The following ZC3H12C variants were observed in gnomAD, a reference collection of about 807,000 sequenced individuals.
ZC3H12C encodes probable ribonuclease ZC3H12C.
A neutral mutation model predicts 76.3 loss-of-function variants in ZC3H12C; 20 were observed. The ratio of observed to expected loss-of-function variants is 0.26; its 90% confidence interval spans 0.18 to 0.38. ZC3H12C has a LOEUF of 0.38. ZC3H12C is among the 10% of genes least tolerant of loss of function. The pLI is 1.00. For missense variants in ZC3H12C, 874 were observed against 1,086.5 expected, an observed-to-expected ratio of 0.80 and a Z score of 2.75; for synonymous variants, 352 against 399.6, an observed-to-expected ratio of 0.88 and a Z score of 1.42.
In ZC3H12C at chr11:110,167,140, C is replaced by G. The variant is rs1355477682; in HGVS notation, c.*1403C>G. ...TGTTGCGTCCAGGTTTTGAATTGTA[C>G]TTCACGTAACAGATGCATTCAGATC... On this transcript the variant is annotated 3_prime_UTR_variant, in exon 6 of 6. Transcript: ENST00000278590. 1 of 152,198 alleles carries G rather than the reference C, an allele frequency of 6.6e-6. No homozygotes were observed. Among genetic ancestry groups the G allele is most frequent in the African/African-American group, 2.4e-5 (1 of 41,448 alleles). The allele number at this position is 152,198 out of a possible 1,614,324, so 9.4% of individuals were successfully genotyped here. A position where few individuals can be genotyped will look rare whatever the true frequency, so the allele number is the denominator to read the frequency against.
chr11:110,165,286 C>CT lies in ZC3H12C; in HGVS notation c.2202dup (p.Lys735Ter). The CT allele has an allele frequency of 1.2e-6, 2 of 1,614,048 alleles. No homozygotes were observed. The highest frequency in any genetic ancestry group is 1.7e-6 in the Non-Finnish European group (2 of 1,179,894). On this transcript the variant is annotated frameshift_variant, in exon 6 of 6. Transcript: ENST00000278590. LOFTEE classifies it high-confidence loss of function. ...CCCTCTCCTCCAAGTTCAGCACACTCTAAGGCACCACACCTAGGGAGGTCC... is the reference window on the plus strand; with the variant it reads ...CCCTCTCCTCCAAGTTCAGCACACTCTTAAGGCACCACACCTAGGGAGGTCC...
At chr11:110,122,945 T>G (rs641934) in intron 1 of ZC3H12C, among the ~76,000 whole-genome samples, 5 of 152,004 alleles carry the variant, frequency 3.3e-5, no homozygotes, top group African/African-American at 1.2e-4. Context: ...ATAGTGTGGA[T>G]ACACTGGACA....
At position 110,158,015 on chromosome 11, in the gene ZC3H12C, T is replaced by A. The variant is rs1033289569; in HGVS notation, c.914-1241T>A. On this transcript the variant is annotated intron_variant, in intron 3 of 5. Coordinates refer to ENST00000278590, the MANE Select transcript of ZC3H12C (RefSeq NM_033390.2). ...GCATTGAGAAGAAGTGAGCTTTTTT[T>A]TAAAAAAAATCATGACATCTGTAGG... Among the ~76,000 whole-genome samples the A allele has an allele frequency of 7.9e-5, 12 of 152,244 alleles. No individual in the cohort carries two copies. In the South Asian group the frequency reaches 1.9e-3, roughly 24 times the overall value.
intron 1 of ZC3H12C, among the ~76,000 whole-genome samples, chr11:110,123,582 T>C (rs1861687820): frequency 6.6e-6 from 1 of 152,226 alleles, no homozygotes; most frequent in Non-Finnish European, 1.5e-5. Context: ...TCATAAACCT[T>C]AAGAATTTTG....
chr11:110,119,286 A>T (rs1861612883), intron 1 of ZC3H12C, among the ~76,000 whole-genome samples: 1 of 152,190 alleles, frequency 6.6e-6, no homozygotes, highest in Non-Finnish European at 1.5e-5. Flanking sequence ...CAGTTCCTTC[A>T]TGTGACCTAA....
intron 1 of ZC3H12C, among the ~76,000 whole-genome samples, chr11:110,123,152 A>G (rs1349694693): frequency 6.6e-6 from 1 of 152,220 alleles, no homozygotes; most frequent in African/African-American, 2.4e-5. Context: ...TGAAATGTAG[A>G]TAAGGGGGAC....
chr11:110,109,104 G>A (rs566821661), intron 1 of ZC3H12C, among the ~76,000 whole-genome samples: 16 of 152,160 alleles, frequency 1.1e-4, no homozygotes, highest in Admixed American at 5.2e-4. Context: ...GTTAGTTTGG[G>A]TGCCATCTTT....
At chr11:110,113,153 T>C (rs1861465500) in intron 1 of ZC3H12C, among the ~76,000 whole-genome samples, 1 of 152,154 alleles carries the variant, frequency 6.6e-6, no homozygotes, top group Non-Finnish European at 1.5e-5. Context: ...TAGCTAGGAG[T>C]TTTTAACCTG....
chr11:110,107,920 C>T (rs1861360618), intron 1 of ZC3H12C, among the ~76,000 whole-genome samples: 1 of 152,142 alleles, frequency 6.6e-6, no homozygotes, highest in Non-Finnish European at 1.5e-5. Flanking sequence ...GCCTTGGCCT[C>T]CTAAAGTGCT....
In ZC3H12C at chr11:110,124,293, C is replaced by T. The variant is rs993210331; in HGVS notation, c.22-12370C>T. The T allele has an allele frequency of 2.6e-5, 4 of 152,304 alleles. No homozygotes were observed. In the South Asian group the frequency reaches 8.3e-4, roughly 32 times the overall value. The allele number at this position is 152,304 out of a possible 1,614,324, so 9.4% of individuals were successfully genotyped here. ...ACCCTGTCACAGGGAGAAATAAAGA[C>T]TAGCAGAGCAGCATTTTTGTTCTTG... On this transcript the variant is annotated intron_variant, in intron 1 of 5. Transcript: ENST00000278590.
chr11:110,155,367 G>A (rs1273255807), intron 3 of ZC3H12C, among the ~76,000 whole-genome samples: 1 of 151,814 alleles, frequency 6.6e-6, no homozygotes, highest in Non-Finnish European at 1.5e-5. Flanking sequence ...GTTACTCATA[G>A]GCTGCTGTGG....
In ZC3H12C at chr11:110,152,391, AG is replaced by A. The variant is rs1862288209; in HGVS notation, c.774-527del. 3.3e-5 allele frequency among the ~76,000 whole-genome samples: 5 copies of A among 152,318 alleles called. No individual in the cohort carries two copies. The South Asian group carries it at 1.0e-3, about 32-fold the overall frequency. ...TGTGAACATGTTTTTCCTTTCAGTG[AG>A]TGTATAGTATGTTGTTTTACATTGG... On this transcript the variant is annotated intron_variant, in intron 2 of 5. Coordinates refer to ENST00000278590, the MANE Select transcript of ZC3H12C (RefSeq NM_033390.2).
intron 4 of ZC3H12C, among the ~76,000 whole-genome samples, chr11:110,159,838 G>A (rs1862446197): frequency 6.6e-6 from 1 of 152,240 alleles, no homozygotes; most frequent in Non-Finnish European, 1.5e-5. Context: ...TTAGAGCACT[G>A]ATAGCTTACT....
chr11:110,136,843 A>G lies in ZC3H12C; in HGVS notation c.202A>G (p.Met68Val). 1 of 1,613,932 alleles carries G rather than the reference A, an allele frequency of 6.2e-7. No homozygotes were observed. Among genetic ancestry groups the G allele is most frequent in the Non-Finnish European group, 8.5e-7 (1 of 1,179,870 alleles). ...TTGGTCAACAGTAGAAAACCCAAGT[A>G]TGGATACCGTTAATGTGGGGAAGGA... ...VPWSTVENPS[M>V]DTVNVGKDEK... The change falls in exon 2 of 6, where the codon ATG (methionine) becomes GTG (valine). Residue 68 changes from methionine to valine, a missense_variant. Met to Val is a conservative substitution (Grantham distance 21). Around this residue, in one of 3 missense-constraint regions of ZC3H12C, gnomAD observed 210 missense variants for 227.1 expected, o/e 0.92. Transcript: ENST00000278590.
rs559762731 is a variant in ZC3H12C at position 110,145,294 on chromosome 11, TA to T, written c.774-7622del. Among the ~76,000 whole-genome samples, 19 of 152,278 alleles carry T rather than the reference TA, an allele frequency of 1.2e-4. No homozygotes were observed. In the East Asian group the frequency reaches 3.7e-3, roughly 29 times the overall value. ...GCTTTTCCAGTATATTAGTCTTGAG[TA>T]AAGATAATCTTATTAGAGCTATGAG... is the stretch of plus-strand genomic sequence containing the variant. On this transcript the variant is annotated intron_variant, in intron 2 of 5. Coordinates refer to ENST00000278590, the MANE Select transcript of ZC3H12C (RefSeq NM_033390.2).
intron 1 of ZC3H12C, among the ~76,000 whole-genome samples, chr11:110,110,962 G>T (rs971880603): frequency 6.6e-6 from 1 of 152,156 alleles, no homozygotes; most frequent in Non-Finnish European, 1.5e-5. Context: ...TTAATTTTGT[G>T]GATTTGGTTG....
chr11:110,156,699 CACAG>C (rs1440719053), intron 3 of ZC3H12C, among the ~76,000 whole-genome samples: 3 of 152,160 alleles, frequency 2.0e-5, no homozygotes, highest in Non-Finnish European at 2.9e-5. Context: ...TCATTCATTC[CACAG>C]ACAGTCATTG....
In ZC3H12C at chr11:110,165,472, C is replaced by T; in HGVS notation, c.2387C>T (p.Pro796Leu). The T allele has an allele frequency of 6.2e-7, 1 of 1,613,990 alleles. No individual in the cohort carries two copies. The highest frequency in any genetic ancestry group is 8.5e-7 in the Non-Finnish European group (1 of 1,179,884). The change falls in exon 6 of 6, where the codon CCC (proline) becomes CTC (leucine). Residue 796 changes from proline to leucine, a missense_variant. Physicochemically the swap from Pro to Leu is moderately conservative, Grantham distance 98. Around this residue, in one of 3 missense-constraint regions of ZC3H12C, gnomAD observed 395 missense variants for 434.4 expected, o/e 0.91. Transcript: ENST00000278590. ...AYGYRQTYSL[P>L]DNSTQPCYEQ... ...GGGTACCGGCAGACTTATTCCTTGCCCGATAACTCCACACAGCCGTGTTAT... is the reference window on the plus strand; with the variant it reads ...GGGTACCGGCAGACTTATTCCTTGCTCGATAACTCCACACAGCCGTGTTAT...
intron 3 of ZC3H12C, 112 bp from the exon 4 acceptor site, chr11:110,159,144 A>T: frequency 2.6e-6 from 2 of 755,924 alleles, no homozygotes; most frequent in Non-Finnish European, 2.1e-6. Flanking sequence ...ATCCCTAATT[A>T]AAGGATTTCA....
Sources: allele counts gnomAD v4.1 joint callset (sites outside exome capture counted in the v4.1 genomes callset), GRCh38; gene constraint gnomAD v4.1.1; regional missense constraint gnomAD v4.1.1; transcripts MANE v1.5; gene names NCBI Gene and HGNC (gene_info 2026-07-23, HGNC 2026-07-21).